Variants in DYDC2 observed in about 807,000 individuals in gnomAD.
DYDC2 encodes the protein DPY30 domain-containing protein 2.
Under a neutral mutation model 18.7 loss-of-function variants are expected in DYDC2, and 19 were observed. The observed-to-expected ratio is 1.02, with a 90% CI of 0.71 to 1.49. The LOEUF (loss-of-function observed/expected upper bound fraction) is 1.49. Among genes scored for constraint, DYDC2 ranks in the 40% most tolerant of loss-of-function variants. DYDC2 has a pLI of 0.00. For synonymous variants in DYDC2, 63 were observed against 67.6 expected, an observed-to-expected ratio of 0.93 and a Z score of 0.34; for missense variants, 179 against 205.1, an observed-to-expected ratio of 0.87 and a Z score of 0.78.
At chr10:80,358,173 T>G in intron 2 of DYDC2, 128 bp downstream of exon 2, 1 of 598,876 alleles carries the variant, frequency 1.7e-6, no homozygotes, top group Non-Finnish European at 2.1e-6. Context: ...AGGTGAGGAA[T>G]TCAAAACCAG....
intron 1 of DYDC2, among the ~76,000 whole-genome samples, chr10:80,351,732 T>C (rs1264591041): frequency 3.9e-5 from 6 of 152,236 alleles, no homozygotes; most frequent in African/African-American, 1.2e-4. Context: ...GGAAAACTCA[T>C]GGCTGCTGCT....
At chr10:80,352,286 G>A (rs757102937), upstream of DYDC2, among the ~76,000 whole-genome samples, 4 of 152,108 alleles carry the variant, frequency 2.6e-5, no homozygotes, top group Non-Finnish European at 4.4e-5. Context: ...CTAAATAGAA[G>A]TCTTCTTTGG....
At chr10:80,352,646 T>C (rs571376121), upstream of DYDC2, 9 of 1,576,394 alleles carry the variant, frequency 5.7e-6, no homozygotes, top group Admixed American at 9.5e-5. Context: ...CTGCAGGATA[T>C]TTTCAATAAA....
chr10:80,353,068 C>T (rs1188332201), upstream of DYDC2, among the ~76,000 whole-genome samples: 1 of 152,068 alleles, frequency 6.6e-6, no homozygotes, highest in African/African-American at 2.4e-5. Context: ...GATTCCAAAA[C>T]CCTAACCCTA....
chr10:80,365,282 G>A (rs1843793074), intron 4 of DYDC2, among the ~76,000 whole-genome samples: 1 of 152,090 alleles, frequency 6.6e-6, no homozygotes, highest in Non-Finnish European at 1.5e-5. Flanking sequence ...TGTATGGTAG[G>A]GATCATACCC....
At chr10:80,361,558 A>C (rs75680791) in intron 2 of DYDC2, among the ~76,000 whole-genome samples, 2,567 of 152,334 alleles carry the variant, frequency 0.017, 78 homozygotes, top group African/African-American at 0.059. Context: ...TATGGTGGTG[A>C]GGAAATGGCA....
chr10:80,358,760 A>G (rs572925596), intron 2 of DYDC2, among the ~76,000 whole-genome samples: 1 of 152,316 alleles, frequency 6.6e-6, no homozygotes, highest in South Asian at 2.1e-4. Flanking sequence ...CAATGTGTCC[A>G]GAATTGGTGG....
chr10:80,366,221 C>T (rs763623222), intron 4 of DYDC2, among the ~76,000 whole-genome samples: 3 of 151,770 alleles, frequency 2.0e-5, no homozygotes, highest in Non-Finnish European at 4.4e-5. Context: ...TTAGTAGAGA[C>T]GGGGTTTCAG....
intron 2 of DYDC2, among the ~76,000 whole-genome samples, chr10:80,362,211 A>T (rs1252456078): frequency 6.6e-6 from 1 of 152,184 alleles, no homozygotes; most frequent in Non-Finnish European, 1.5e-5. Context: ...CAACTTCAGG[A>T]ATATGGACTC....
intron 4 of DYDC2, among the ~76,000 whole-genome samples, chr10:80,363,758 ATTG>A (rs1031313618): frequency 2.0e-5 from 3 of 152,084 alleles, no homozygotes; most frequent in Non-Finnish European, 2.9e-5. Context: ...ACCAAATATG[ATTG>A]TTATCAGTGC....
chr10:80,358,128 A>C, intron 2 of DYDC2, 83 bp downstream of exon 2: 1 of 941,946 alleles, frequency 1.1e-6, no homozygotes, highest in Non-Finnish European at 1.3e-6. Flanking sequence ...CTGTAATCCT[A>C]GCACTTTGGG....
intron 1 of DYDC2, among the ~76,000 whole-genome samples, chr10:80,351,483 A>G (rs915014309): frequency 6.6e-6 from 1 of 150,710 alleles, no homozygotes; most frequent in Non-Finnish European, 1.5e-5. Flanking sequence ...GCCTAAGTCC[A>G]CCCACCCCCA....
upstream of DYDC2, chr10:80,356,728 G>C: frequency 1.0e-6 from 1 of 985,348 alleles, no homozygotes; most frequent in Non-Finnish European, 1.2e-6. Flanking sequence ...ACACGCGCCT[G>C]CTCGCCACCC....
At chr10:80,352,639 C>T (rs148403494), upstream of DYDC2, 48 of 1,585,778 alleles carry the variant, frequency 3.0e-5, no homozygotes, top group African/African-American at 5.2e-4. Flanking sequence ...TGCATTACTG[C>T]AGGATATTTT....
At chr10:80,366,166 G>A (rs1010754621) in intron 4 of DYDC2, among the ~76,000 whole-genome samples, 1 of 151,208 alleles carries the variant, frequency 6.6e-6, no homozygotes, top group Non-Finnish European at 1.5e-5. Context: ...CCAAGTAGCT[G>A]GGATTACAGG....
intron 1 of DYDC2, among the ~76,000 whole-genome samples, chr10:80,344,971 C>A (rs1842523244): frequency 1.3e-5 from 2 of 152,184 alleles, no homozygotes; most frequent in Admixed American, 6.5e-5. Context: ...GCAGTGAAAT[C>A]TGCTAAGATG....
intron 1 of DYDC2, chr10:80,344,875 G>A (rs1842516850): frequency 5.9e-6 from 1 of 169,422 alleles, no homozygotes; most frequent in Admixed American, 6.3e-5. Context: ...TCAGCTGCTT[G>A]AAAATGGACT....
chr10:80,366,918 T>C lies in DYDC2; in HGVS notation c.501T>C (p.His167=), dbSNP rs1043737156. ...AGGCTTTTCAGCATGAAGTTGCTCA[T>C]GAAATGCCTCCTGGCTCCAAATCTC... is the stretch of plus-strand genomic sequence containing the variant. ...YKEAFQHEVA[H]EMPPGSKSPF The change falls in exon 5 of 5, where the codon CAT becomes CAC. Residue 167 remains histidine, a synonymous_variant. Transcript: ENST00000256039. 2 of 1,613,744 alleles carry C rather than the reference T, an allele frequency of 1.2e-6. No homozygotes were observed. The highest frequency in any genetic ancestry group is 1.7e-6 in the Non-Finnish European group (2 of 1,179,914).
intron 1 of DYDC2, among the ~76,000 whole-genome samples, chr10:80,350,706 CT>C (rs1231036010): frequency 4.6e-5 from 7 of 152,134 alleles, no homozygotes; most frequent in Non-Finnish European, 8.8e-5. Flanking sequence ...CTTCTTTCCC[CT>C]TTTTAAATAT....
Sources: gnomAD v4.1 joint callset for allele counts (sites outside exome capture counted in the v4.1 genomes callset) on GRCh38, gnomAD v4.1.1 for gene constraint, MANE v1.5 for transcripts, NCBI Gene and HGNC (gene_info 2026-07-23, HGNC 2026-07-21) for gene names.